The following COMT variants were observed in gnomAD, a reference collection of about 807,000 sequenced individuals.
The protein encoded by COMT is catechol O-methyltransferase.
Under a neutral mutation model 18.9 loss-of-function variants are expected in COMT, and 13 were observed. The ratio of observed to expected loss-of-function variants is 0.69; its 90% confidence interval spans 0.45 to 1.09. The LOEUF is 1.09. Ranked by LOEUF, COMT falls within the 50% of genes least tolerant of loss-of-function variation. The pLI is 0.00. For synonymous variants in COMT, 150 were observed against 160.9 expected (o/e 0.93, Z 0.51); for missense variants, 329 against 361.8 (o/e 0.91, Z 0.73).
intron 2 of COMT, among the ~76,000 whole-genome samples, chr22:19,962,063 G>A (rs1214296691): frequency 2.0e-5 from 3 of 152,130 alleles, no homozygotes; most frequent in Non-Finnish European, 2.9e-5. Flanking sequence ...TGACCAGCAC[G>A]GGCTCACCAC....
chr22:19,967,135 C>T (rs1289684022), intron 5 of COMT: 1 of 1,296,190 alleles, frequency 7.7e-7, no homozygotes. Flanking sequence ...TCTGCCCTTC[C>T]CTCCTTCTTT....
chr22:19,962,138 G>C, intron 2 of COMT: 1 of 311,880 alleles, frequency 3.2e-6, no homozygotes, highest in Non-Finnish European at 6.2e-6. Flanking sequence ...CCCAACTCCG[G>C]GCCATGGGGC....
intron 5 of COMT, chr22:19,967,152 T>C (rs1244984858): frequency 7.7e-7 from 1 of 1,301,430 alleles, no homozygotes. Context: ...CTTTCCTGTT[T>C]AACTCGTGCA....
chr22:19,956,407 C>T (rs1472071862), intron 1 of COMT, among the ~76,000 whole-genome samples: 10 of 134,018 alleles, frequency 7.5e-5, no homozygotes, highest in South Asian at 4.8e-4. Context: ...GACGGAGTCT[C>T]GCTCTGTCAC....
At chr22:19,960,681 A>C (rs951214180) in intron 1 of COMT, among the ~76,000 whole-genome samples, 4 of 152,174 alleles carry the variant, frequency 2.6e-5, no homozygotes, top group African/African-American at 7.2e-5. Flanking sequence ...ACTGTCACTG[A>C]GCCCTGCACC....
At chr22:19,944,559 T>A (rs1445516509) in intron 1 of COMT, among the ~76,000 whole-genome samples, 1 of 151,102 alleles carries the variant, frequency 6.6e-6, no homozygotes, top group Non-Finnish European at 1.5e-5. Context: ...GAGCGGTGGC[T>A]CACGCCTGTA....
intron 1 of COMT, among the ~76,000 whole-genome samples, chr22:19,946,910 G>GGTTTTTTTTTT (rs763607822): frequency 1.7e-5 from 2 of 117,120 alleles, no homozygotes; most frequent in African/African-American, 3.4e-5. Flanking sequence ...TTTTTTTTTA[G>GGTTTTTTTTTT]TTTTTTTTTT....
At chr22:19,948,092 T>C (rs1941869262) in intron 1 of COMT, among the ~76,000 whole-genome samples, 1 of 152,232 alleles carries the variant, frequency 6.6e-6, no homozygotes, top group Admixed American at 6.5e-5. Context: ...GAGTAATTGC[T>C]ACAAACTAAT....
At chr22:19,967,292 G>A (rs1441680883) in intron 5 of COMT, 11 of 1,111,084 alleles carry the variant, frequency 9.9e-6, no homozygotes, top group Non-Finnish European at 1.2e-5. Context: ...TGCATTCCCT[G>A]GCCCAGACTG....
At chr22:19,950,275 A>G (rs1313789609) in intron 1 of COMT, among the ~76,000 whole-genome samples, 3 of 117,962 alleles carry the variant, frequency 2.5e-5, no homozygotes, top group African/African-American at 6.6e-5. Flanking sequence ...TGTAGAGACA[A>G]GGTCTTGCTG....
At chr22:19,960,081 G>A (rs1942161004) in intron 1 of COMT, among the ~76,000 whole-genome samples, 1 of 152,240 alleles carries the variant, frequency 6.6e-6, no homozygotes, top group African/African-American at 2.4e-5. Flanking sequence ...GGGAGACACT[G>A]CCTGCAGATT....
chr22:19,956,160 T>TTTTC (rs1285304851), intron 1 of COMT, among the ~76,000 whole-genome samples: 1 of 138,680 alleles, frequency 7.2e-6, no homozygotes, highest in Non-Finnish European at 1.6e-5. Context: ...TTTTTTTTTT[T>TTTTC]TTGAGATGGA....
intron 1 of COMT, among the ~76,000 whole-genome samples, chr22:19,946,934 G>C (rs1356646652): frequency 3.4e-5 from 1 of 29,782 alleles, no homozygotes; most frequent in Non-Finnish European, 6.9e-5. Context: ...TTTTTTTTTT[G>C]AGACAGAGTC....
Position 19,962,634 on chromosome 22 carries a change from C to CTT in COMT, c.108_109insTT (p.Gly37LeufsTer25). 1 of 1,603,230 alleles carries CTT rather than the reference C, an allele frequency of 6.2e-7. No individual in the cohort carries two copies. The highest frequency in any genetic ancestry group is 8.5e-7 in the Non-Finnish European group (1 of 1,176,070). Reference sequence around the variant, plus strand: ...ACTGGGGCTGGGGCCTGTGCCTTATCGGCTGGAACGAGTTCATCCTGCAGC... The same window carrying CTT: ...ACTGGGGCTGGGGCCTGTGCCTTATCTTGGCTGGAACGAGTTCATCCTGCAGC... On this transcript the variant is annotated frameshift_variant, in exon 3 of 6. Transcript: ENST00000361682. LOFTEE classifies it high-confidence loss of function.
intron 4 of COMT, 104 bp from the exon 5 acceptor site, chr22:19,964,064 C>A (rs1942273664): frequency 6.2e-7 from 1 of 1,603,532 alleles, no homozygotes; most frequent in Non-Finnish European, 8.5e-7. Context: ...GTAAAGATGG[C>A]CTCCTGTCTG....
rs199637204 is a variant in COMT, at chr22:19,963,596, A to G, written c.320A>G (p.His107Arg). ...GKIVDAVIQE[H>R]QPSVLLELGA... ...ATCGTGGACGCCGTGATTCAGGAGC[A>G]CCAGCCCTCCGTGCTGCTGGAGCTG... The change falls in exon 4 of 6, where the codon CAC becomes CGC. Residue 107 changes from histidine (H) to arginine (R), a missense_variant. Coordinates refer to ENST00000361682, the MANE Select transcript of COMT (RefSeq NM_000754.4). 101 of 1,612,664 alleles carry G rather than the reference A, an allele frequency of 6.3e-5. No individual in the cohort carries two copies. Among genetic ancestry groups the G allele is most frequent in the Non-Finnish European group, 1.7e-5 (20 of 1,180,002 alleles).
chr22:19,968,718 C>A lies in COMT; in HGVS notation c.798C>A (p.Gly266=). 1 of 1,609,570 alleles carries A rather than the reference C, an allele frequency of 6.2e-7. No homozygotes were observed. Among genetic ancestry groups the A allele is most frequent in the East Asian group, 2.2e-5 (1 of 44,714 alleles). Residue 266 remains glycine (G), a synonymous_variant, in exon 6 of 6, where the codon GGC becomes GGA. Coordinates refer to ENST00000361682, the MANE Select transcript of COMT (RefSeq NM_000754.4). Reference sequence around the variant, plus strand: ...AGAAGGCCATCTACAAGGGCCCAGGCAGCGAAGCAGGGCCCTGACTGCCCC... The same window carrying A: ...AGAAGGCCATCTACAAGGGCCCAGGAAGCGAAGCAGGGCCCTGACTGCCCC... ...GLEKAIYKGP[G]SEAGP
At chr22:19,958,999 C>G (rs113402076) in intron 1 of COMT, among the ~76,000 whole-genome samples, 15 of 152,330 alleles carry the variant, frequency 9.8e-5, no homozygotes, top group African/African-American at 3.4e-4. Flanking sequence ...GCATTCAAAA[C>G]TGTCTTTTTG....
At chr22:19,964,116 A>C in intron 4 of COMT, 52 bp from the exon 5 acceptor site, 5 of 1,613,670 alleles carry the variant, frequency 3.1e-6, no homozygotes, top group Non-Finnish European at 4.2e-6. Context: ...ATAGGTGTGT[A>C]GGGATGGCCT....
Sources: gnomAD v4.1 joint callset for allele counts (sites outside exome capture counted in the v4.1 genomes callset) on GRCh38, gnomAD v4.1.1 for gene constraint, MANE v1.5 for transcripts, NCBI Gene and HGNC (gene_info 2026-07-23, HGNC 2026-07-21) for gene names.